Variants in FAM135B observed in about 807,000 individuals in gnomAD.
FAM135B encodes the protein protein FAM135B.
Under a neutral mutation model 127.7 loss-of-function variants are expected in FAM135B, and 43 were observed. That is an observed-to-expected ratio of 0.34 (90% CI 0.26 to 0.43). FAM135B has a LOEUF of 0.43. Ranked by LOEUF, FAM135B falls within the 20% of genes least tolerant of loss-of-function variation. The probability of loss-of-function intolerance (pLI) is 1.00; values close to 1 mark genes in which losing one functional copy is unlikely to be tolerated. For missense variants in FAM135B, 1,558 were observed against 1,725.6 expected, an observed-to-expected ratio of 0.90 and a Z score of 1.72; for synonymous variants, 670 against 665.1, an observed-to-expected ratio of 1.01 and a Z score of -0.11.
intron 7 of FAM135B, among the ~76,000 whole-genome samples, chr8:138,224,281 G>C (rs975528614): frequency 1.3e-5 from 2 of 152,192 alleles, no homozygotes; most frequent in Admixed American, 6.5e-5. Context: ...GCACTCTGTA[G>C]TTAGCACATT....
intron 1 of FAM135B, among the ~76,000 whole-genome samples, chr8:138,434,342 A>G (rs1205199823): frequency 6.6e-6 from 1 of 152,228 alleles, no homozygotes; most frequent in Non-Finnish European, 1.5e-5. Flanking sequence ...AGGAAAGCTT[A>G]CAAGAAGGTG....
chr8:138,255,504 G>A (rs1028250835), intron 5 of FAM135B, among the ~76,000 whole-genome samples: 4 of 152,198 alleles, frequency 2.6e-5, no homozygotes, highest in Non-Finnish European at 5.9e-5. Flanking sequence ...AGGCCATCAG[G>A]AGAGAAGCTG....
intron 7 of FAM135B, among the ~76,000 whole-genome samples, chr8:138,226,184 T>TGTGTGTGCGCGCGCGCGC: frequency 3.2e-4 from 45 of 139,282 alleles, no homozygotes; most frequent in African/African-American, 7.2e-4. Context: ...TGTGTGTGTG[T>TGTGTGTGCGCGCGCGCGC]GCGCGCATGT....
chr8:138,261,202 G>A (rs1316410473), intron 4 of FAM135B, among the ~76,000 whole-genome samples: 1 of 152,102 alleles, frequency 6.6e-6, no homozygotes, highest in Non-Finnish European at 1.5e-5. Context: ...CACCAGGTCT[G>A]GCCTGGGCTC....
At chr8:138,399,003 A>G (rs1186208165) in intron 1 of FAM135B, among the ~76,000 whole-genome samples, 1 of 152,172 alleles carries the variant, frequency 6.6e-6, no homozygotes, top group Non-Finnish European at 1.5e-5. Flanking sequence ...CTACCACAAT[A>G]CCTTGCTTAT....
At chr8:138,295,102 CTTTTTTTTTTTTTTTTT>C (rs527258472) in intron 3 of FAM135B, among the ~76,000 whole-genome samples, 4 of 82,196 alleles carry the variant, frequency 4.9e-5, no homozygotes, top group Non-Finnish European at 6.5e-5. Context: ...CTTGCTGGTG[CTTTTTTTTTTTTTTTTT>C]TTTTTTTTTT....
chr8:138,204,242 C>T (rs115908106), intron 7 of FAM135B, among the ~76,000 whole-genome samples: 3,067 of 152,136 alleles, frequency 0.02, 89 homozygotes, highest in African/African-American at 0.058. Context: ...ATGCTCTTGC[C>T]GTTGGAAATG....
At chr8:138,307,905 T>C (rs894564581) in intron 3 of FAM135B, among the ~76,000 whole-genome samples, 1 of 152,208 alleles carries the variant, frequency 6.6e-6, no homozygotes, top group Non-Finnish European at 1.5e-5. Flanking sequence ...AGATATATTT[T>C]TCTTTTTTCC....
Position 138,457,836 on chromosome 8 carries a change from G to A in FAM135B, c.-20+38835C>T, listed in dbSNP as rs188578415. On this transcript the variant is annotated intron_variant, in intron 1 of 19. Coordinates refer to ENST00000395297, the MANE Select transcript of FAM135B (RefSeq NM_015912.4). ...AAAACACACACAAAAAATTAGCCAG[G>A]CGCCCTGATGGGCACCTGTAATCTC... 1.7e-3 allele frequency among the ~76,000 whole-genome samples: 266 copies of A among 152,070 alleles called. 2 individuals carry two copies. Among genetic ancestry groups the A allele is most frequent in the Non-Finnish European group, 4.6e-4 (31 of 68,002 alleles).
intron 3 of FAM135B, among the ~76,000 whole-genome samples, chr8:138,280,214 GAGAA>G (rs1380629278): frequency 1.3e-5 from 2 of 152,182 alleles, no homozygotes; most frequent in African/African-American, 4.8e-5. Flanking sequence ...CCTTGTGTCT[GAGAA>G]AATTCTACAT....
intron 7 of FAM135B, among the ~76,000 whole-genome samples, chr8:138,207,412 G>T (rs892483609): frequency 1.3e-5 from 2 of 151,974 alleles, no homozygotes; most frequent in African/African-American, 4.8e-5. Flanking sequence ...GTTTCATCAT[G>T]TTGGTCAGGC....
At chr8:138,211,109 C>T (rs1818108595) in intron 7 of FAM135B, among the ~76,000 whole-genome samples, 1 of 152,154 alleles carries the variant, frequency 6.6e-6, no homozygotes, top group Admixed American at 6.5e-5. Flanking sequence ...TTGGCTCCTG[C>T]AGAAAACAGA....
intron 3 of FAM135B, among the ~76,000 whole-genome samples, chr8:138,276,794 G>A (rs1017947952): frequency 3.9e-5 from 6 of 152,236 alleles, no homozygotes; most frequent in African/African-American, 1.2e-4. Flanking sequence ...AAATTGGGGA[G>A]CACAGAGAGT....
intron 7 of FAM135B, among the ~76,000 whole-genome samples, chr8:138,211,712 T>C (rs760762906): frequency 1.3e-5 from 2 of 152,228 alleles, no homozygotes; most frequent in African/African-American, 2.4e-5. Flanking sequence ...ACCTTCTATA[T>C]GGCTTATACC....
intron 3 of FAM135B, among the ~76,000 whole-genome samples, chr8:138,274,056 G>T (rs1436025718): frequency 6.6e-6 from 1 of 152,048 alleles, no homozygotes; most frequent in African/African-American, 2.4e-5. Context: ...CAGAACCTTT[G>T]ATTATATTTC....
intron 7 of FAM135B, among the ~76,000 whole-genome samples, chr8:138,239,674 A>C (rs1038918996): frequency 6.6e-6 from 1 of 152,246 alleles, no homozygotes; most frequent in Non-Finnish European, 1.5e-5. Flanking sequence ...ATTATAAATC[A>C]TGCTGCTATA....
rs374136718 is a variant in FAM135B, at chr8:138,153,120, C to G, written c.1355G>C (p.Ser452Thr). ...KDKEDNCMVN[S>T]NLSFREDLVL... ...AAGGTCTTCCCTAAAAGATAAATTG[C>G]TATTTACCATACAGTTATCTTCCTT... The change falls in exon 13 of 20, where the codon AGC becomes ACC. Residue 452 changes from serine to threonine, a missense_variant. Physicochemically the swap from Ser to Thr is moderately conservative, Grantham distance 58. Around this residue, in one of 5 missense-constraint regions of FAM135B, gnomAD observed 923 missense variants for 865.3 expected, o/e 1.07. Transcript: ENST00000395297. 6.2e-7 allele frequency: 1 copy of G among 1,613,878 alleles called. No homozygotes were observed. The highest frequency in any genetic ancestry group is 8.5e-7 in the Non-Finnish European group (1 of 1,179,866).
chr8:138,167,385 G>C (rs1820032085), intron 12 of FAM135B, among the ~76,000 whole-genome samples: 1 of 152,014 alleles, frequency 6.6e-6, no homozygotes, highest in Admixed American at 6.6e-5. Context: ...TAGTAGAGAT[G>C]GGGTTTCTCC....
At chr8:138,406,877 C>A (rs1315283653) in intron 1 of FAM135B, among the ~76,000 whole-genome samples, 1 of 151,474 alleles carries the variant, frequency 6.6e-6, no homozygotes, top group African/African-American at 2.4e-5. Flanking sequence ...TCTCACCACT[C>A]CTATTCAACA....
Sources: allele counts gnomAD v4.1 joint callset (sites outside exome capture counted in the v4.1 genomes callset), GRCh38; gene constraint gnomAD v4.1.1; regional missense constraint gnomAD v4.1.1; transcripts MANE v1.5; gene names NCBI Gene and HGNC (gene_info 2026-07-23, HGNC 2026-07-21).